Variants in SLC22A6 observed in about 807,000 individuals in gnomAD.
The protein encoded by SLC22A6 is PAH transporter.
A neutral mutation model predicts 56.7 loss-of-function variants in SLC22A6; 45 were observed. The ratio of observed to expected loss-of-function variants is 0.79; its 90% CI spans 0.63 to 1.02. SLC22A6 has a LOEUF of 1.02. Ranked by LOEUF, SLC22A6 falls within the 50% of genes least tolerant of loss-of-function variation. The probability of loss-of-function intolerance (pLI) is 0.00; values close to 1 mark genes in which losing one functional copy is unlikely to be tolerated. For missense variants in SLC22A6, 606 were observed against 713.8 expected, an observed-to-expected ratio of 0.85 and a Z score of 1.72; for synonymous variants, 291 against 295.9, an observed-to-expected ratio of 0.98 and a Z score of 0.17.
In SLC22A6 at chr11:62,984,597, C is replaced by G; in HGVS notation, c.94G>C (p.Ala32Pro). 4 of 1,613,564 alleles carry G rather than the reference C, an allele frequency of 2.5e-6. No homozygotes were observed. Among genetic ancestry groups the G allele is most frequent in the Non-Finnish European group, 3.4e-6 (4 of 1,179,824 alleles). Reference protein sequence around the residue: ...TLVVLPLLLMASHNTLQNFTA... With the variant: ...TLVVLPLLLMPSHNTLQNFTA... ...AAGTTCTGCAGGGTGTTGTGAGAAG[C>G]CATCAGGAGCAGGGGGAGGACCACC... is the stretch of plus-strand genomic sequence containing the variant. The change falls in exon 1 of 10, where the codon GCT becomes CCT. Residue 32 changes from alanine (A) to proline (P), a missense_variant. Coordinates refer to ENST00000360421, the MANE Select transcript of SLC22A6 (RefSeq NM_153276.3).
At position 62,977,309 on chromosome 11, in the gene SLC22A6, CT is replaced by C; in HGVS notation, c.1439del (p.Glu480GlyfsTer74). ...TGAAGAGAGGCATGGAGGGGTAGAG[CT>C]CGGCAGTCATGCTCACCAGTGGGCT... ...IVSPLVSMTAELYPSMPLFIY... is the reference protein window; with the variant it reads ...IVSPLVSMTAXLYPSMPLFIY... On this transcript the variant is annotated frameshift_variant, in exon 9 of 10. Transcript: ENST00000360421. LOFTEE classifies it high-confidence loss of function. The C allele has an allele frequency of 6.2e-7, 1 of 1,613,954 alleles. No homozygotes were observed. Among genetic ancestry groups the C allele is most frequent in the Non-Finnish European group, 8.5e-7 (1 of 1,180,018 alleles).
rs2086297437 is a variant in SLC22A6 at position 62,984,553 on chromosome 11, G to A, written c.138C>T (p.Thr46=). The change falls in exon 1 of 10, where the codon ACC becomes ACT. Residue 46 remains threonine, a synonymous_variant. Coordinates refer to ENST00000360421, the MANE Select transcript of SLC22A6 (RefSeq NM_153276.3). The stretch of plus-strand genomic sequence containing the variant: ...CATCGGCAGGCGGGCGGCAGTGGTG[G>A]GTAGGGATGGCAGCAGTGAAGTTCT... ...TLQNFTAAIP[T]HHCRPPADAN... The A allele has an allele frequency of 1.2e-6, 2 of 1,613,640 alleles. No individual in the cohort carries two copies. The highest frequency in any genetic ancestry group is 8.5e-7 in the Non-Finnish European group (1 of 1,179,826).
chr11:62,983,659 T>TCCCTGACAC lies in SLC22A6; in HGVS notation c.505_506insGTGTCAGGG (p.Tyr169delinsCysValArgAsp). 6.2e-7 allele frequency: 1 copy of TCCCTGACAC among 1,612,282 alleles called. No individual in the cohort carries two copies. The highest frequency in any genetic ancestry group is 8.5e-7 in the Non-Finnish European group (1 of 1,179,438). On this transcript the variant is annotated protein_altering_variant, in exon 3 of 10. Transcript: ENST00000360421. This position sits in a 1 kb window ranked among gnomAD's most constrained non-coding sequence, Gnocchi z 4.5. ...GGTCCCTGACACAGCTGTCTGCAGG[T>TCCCTGACAC]AGTTCAAGATGAGTACCTTCCGGCG...
intron 1 of SLC22A6, 96 bp downstream of exon 1, chr11:62,984,226 T>C: frequency 2.0e-6 from 3 of 1,463,564 alleles, no homozygotes; most frequent in Middle Eastern, 2.0e-4. Context: ...GTTAAAAAAC[T>C]CAGCAGTTAA....
chr11:62,977,074 A>G, intron 9 of SLC22A6, 110 bp downstream of exon 9: 1 of 1,592,152 alleles, frequency 6.3e-7, no homozygotes, highest in Non-Finnish European at 8.6e-7. Context: ...GGACAAAGGG[A>G]CACAGAGCTT....
chr11:62,981,908 A>G lies in SLC22A6; in HGVS notation c.731T>C (p.Val244Ala). Reference sequence around the variant, plus strand: ...TAGCTGCAGGTGGCGCCAGTGGGGCACAGCGTAGGCCACACCAGCCAGGAG... The same window carrying G: ...TAGCTGCAGGTGGCGCCAGTGGGGCGCAGCGTAGGCCACACCAGCCAGGAG... ...QFLLAGVAYAVPHWRHLQLLV... is the reference protein window; with the variant it reads ...QFLLAGVAYAAPHWRHLQLLV... The change falls in exon 4 of 10, where the codon GTG (valine) becomes GCG (alanine). Residue 244 changes from valine (V) to alanine (A), a missense_variant. By Grantham distance (64) the Val-to-Ala change is moderately conservative. Transcript: ENST00000360421. The G allele has an allele frequency of 1.2e-6, 2 of 1,614,118 alleles. No homozygotes were observed. Among genetic ancestry groups the G allele is most frequent in the South Asian group, 2.2e-5 (2 of 91,054 alleles).
At chr11:62,980,926 G>A (rs997378780) in intron 6 of SLC22A6, 59 bp downstream of exon 6, 3 of 1,424,620 alleles carry the variant, frequency 2.1e-6, no homozygotes, top group African/African-American at 2.8e-5. Context: ...TTCACCCATT[G>A]TGTCTCCTCC....
rs766433884 is a variant in SLC22A6 at position 62,981,284 on chromosome 11, T to C, written c.897A>G (p.Glu299=). ...QRVARINGKR[E]EGAKLSMEVL... ...CCTCCATACTCAATTTGGCTCCTTC[T>C]TCCCGCTTCCCATTGATCCGGGCGA... is the stretch of plus-strand genomic sequence containing the variant. Residue 299 remains glutamate (E), a synonymous_variant, in exon 5 of 10, where the codon GAA becomes GAG. Coordinates refer to ENST00000360421, the MANE Select transcript of SLC22A6 (RefSeq NM_153276.3). 2 of 1,609,100 alleles carry C rather than the reference T, an allele frequency of 1.2e-6. No homozygotes were observed. Among genetic ancestry groups the C allele is most frequent in the Non-Finnish European group, 1.7e-6 (2 of 1,177,988 alleles).
intron 8 of SLC22A6, among the ~76,000 whole-genome samples, chr11:62,978,024 C>T (rs2086209612): frequency 6.6e-6 from 1 of 152,210 alleles, no homozygotes; most frequent in African/African-American, 2.4e-5. Flanking sequence ...AGTCACTTAA[C>T]CTCTCTTTGC....
Position 62,983,988 on chromosome 11 carries a change from C to T in SLC22A6, c.429G>A (p.Val143=). ...ACACCATGGCTCCGAGCAGCACCCC[C>T]ACCATGTACAAGGACTGGGCCAGCT... ...LRQLAQSLYM[V]GVLLGAMVFG... Residue 143 remains valine (V), a synonymous_variant, in exon 2 of 10, where the codon GTG becomes GTA. Transcript: ENST00000360421. The surrounding 1 kb of genome is among the most constrained non-coding windows in gnomAD (Gnocchi z 4.5). 1 of 1,614,032 alleles carries T rather than the reference C, an allele frequency of 6.2e-7. No individual in the cohort carries two copies. The highest frequency in any genetic ancestry group is 8.5e-7 in the Non-Finnish European group (1 of 1,179,964).
rs776185203 is a variant in SLC22A6 at position 62,983,685 on chromosome 11, G to A, written c.480C>T (p.Gly160=). The A allele has an allele frequency of 1.2e-6, 2 of 1,608,736 alleles. No individual in the cohort carries two copies. The highest frequency in any genetic ancestry group is 1.7e-6 in the Non-Finnish European group (2 of 1,177,616). Residue 160 remains glycine, a synonymous_variant, in exon 3 of 10, where the codon GGC becomes GGT. Transcript: ENST00000360421. This position sits in a 1 kb window ranked among gnomAD's most constrained non-coding sequence, Gnocchi z 4.5. The part of the protein sequence containing the change: ...MVFGYLADRL[G]RRKVLILNYL... ...AGTTCAAGATGAGTACCTTCCGGCGGCCTAGCCTGTGGGAGGAGGGGAGAC... is the reference window on the plus strand; with the variant it reads ...AGTTCAAGATGAGTACCTTCCGGCGACCTAGCCTGTGGGAGGAGGGGAGAC...
chr11:62,984,151 C>T, intron 1 of SLC22A6, 104 bp from the exon 2 acceptor site: 1 of 1,190,858 alleles, frequency 8.4e-7, no homozygotes, highest in Non-Finnish European at 1.2e-6. Flanking sequence ...CCCTCTTCCT[C>T]CGGCACTTTG....
chr11:62,977,493 C>T (rs1007483355), intron 8 of SLC22A6, 106 bp from the exon 9 acceptor site: 6 of 1,262,852 alleles, frequency 4.8e-6, no homozygotes, highest in Admixed American at 4.9e-5. Flanking sequence ...CCAGGACACT[C>T]CCGGTACCTC....
At chr11:62,979,712 C>T in intron 7 of SLC22A6, 22 bp downstream of exon 7, 1 of 1,611,898 alleles carries the variant, frequency 6.2e-7, no homozygotes, top group African/African-American at 1.3e-5. Context: ...GAGAAGGGGC[C>T]AAGGTGCTCG....
chr11:62,984,551 T>TG lies in SLC22A6; in HGVS notation c.139dup (p.His47ProfsTer30). 6.2e-7 allele frequency: 1 copy of TG among 1,612,936 alleles called. No individual in the cohort carries two copies. Among genetic ancestry groups the TG allele is most frequent in the Non-Finnish European group, 8.5e-7 (1 of 1,179,610 alleles). ...GGCATCGGCAGGCGGGCGGCAGTGG[T>TG]GGGTAGGGATGGCAGCAGTGAAGTT... is the stretch of plus-strand genomic sequence containing the variant. On this transcript the variant is annotated frameshift_variant, in exon 1 of 10. Transcript: ENST00000360421. LOFTEE classifies it high-confidence loss of function.
At chr11:62,984,164 CT>C in intron 1 of SLC22A6, 117 bp from the exon 2 acceptor site, 1 of 1,215,556 alleles carries the variant, frequency 8.2e-7, no homozygotes, top group Middle Eastern at 2.0e-4. Flanking sequence ...GCACTTTGCC[CT>C]TTGCCTCTCT....
Position 62,979,906 on chromosome 11 carries a change from C to T in SLC22A6, c.1080G>A (p.Leu360=). The change falls in exon 7 of 10, where the codon CTG becomes CTA. Residue 360 remains leucine (L), a synonymous_variant. Coordinates refer to ENST00000360421, the MANE Select transcript of SLC22A6 (RefSeq NM_153276.3). ...SFAYYGLVMD[L]QGFGVSIYLI... The stretch of plus-strand genomic sequence containing the variant: ...GGTAGATGCTGACTCCAAAGCCCTG[C>T]AGGTCCATGACCAGCCCATAGTATG... 2 of 1,614,184 alleles carry T rather than the reference C, an allele frequency of 1.2e-6. No homozygotes were observed. The highest frequency in any genetic ancestry group is 1.1e-5 in the South Asian group (1 of 91,088).
At chr11:62,978,429 C>A (rs998790095) in intron 8 of SLC22A6, among the ~76,000 whole-genome samples, 1 of 151,212 alleles carries the variant, frequency 6.6e-6, no homozygotes, top group African/African-American at 2.4e-5. Flanking sequence ...CTTATTGCAA[C>A]CTCCGCCTCC....
chr11:62,980,281 T>C (rs2086238086), intron 6 of SLC22A6, among the ~76,000 whole-genome samples: 1 of 152,172 alleles, frequency 6.6e-6, no homozygotes, highest in African/African-American at 2.4e-5. Context: ...ACCCAAGCCA[T>C]CTTCAGGGCC....
Sources: allele counts gnomAD v4.1 joint callset (sites outside exome capture counted in the v4.1 genomes callset), GRCh38; gene constraint gnomAD v4.1.1; non-coding constraint Gnocchi (gnomAD v3.1); transcripts MANE v1.5; gene names NCBI Gene and HGNC (gene_info 2026-07-23, HGNC 2026-07-21).